C5orf34: variants seen among roughly 807,000 people sequenced by gnomAD.
C5orf34 encodes the protein chromosome 5 open reading frame 34.
Under a neutral mutation model 78.4 loss-of-function variants are expected in C5orf34, and 73 were observed. The ratio of observed to expected loss-of-function variants is 0.93; its 90% confidence interval spans 0.77 to 1.13. C5orf34 has a LOEUF of 1.13. Ranked by LOEUF, C5orf34 falls within the 50% of genes most tolerant of loss-of-function variation. The pLI, the probability that C5orf34 is intolerant of heterozygous loss-of-function variation, is 0.00. For missense variants in C5orf34, 730 were observed against 732.7 expected, an observed-to-expected ratio of 1.00 and a Z score of 0.04; for synonymous variants, 251 against 246.6, an observed-to-expected ratio of 1.02 and a Z score of -0.17.
chr5:43,497,749 C>T (rs1384085227), intron 6 of C5orf34, among the ~76,000 whole-genome samples: 1 of 152,226 alleles, frequency 6.6e-6, no homozygotes, highest in East Asian at 1.9e-4. Flanking sequence ...GTCCTTTTAT[C>T]TTGGTCTACA....
intron 6 of C5orf34, chr5:43,496,247 C>T (rs1745513212): frequency 6.3e-7 from 1 of 1,580,606 alleles, no homozygotes; most frequent in Non-Finnish European, 8.6e-7. Context: ...ATGGTGATAC[C>T]ACGTTCACGC....
intron 6 of C5orf34, chr5:43,496,592 T>G: frequency 3.2e-6 from 1 of 309,448 alleles, no homozygotes; most frequent in Non-Finnish European, 4.8e-6. Flanking sequence ...ATTTTTTTTT[T>G]TTTTTTTTTT....
intron 6 of C5orf34, chr5:43,496,256 G>A (rs1422739514): frequency 1.2e-5 from 19 of 1,581,792 alleles, no homozygotes; most frequent in African/African-American, 9.4e-5. Flanking sequence ...CCACGTTCAC[G>A]CTCAGCTTTC....
intron 3 of C5orf34, 98 bp downstream of exon 3, chr5:43,508,479 G>A (rs553020672): frequency 5.7e-5 from 40 of 697,162 alleles, no homozygotes; most frequent in South Asian, 5.3e-4. Context: ...TGTATCCCCA[G>A]GTGTCCTGAA....
chr5:43,491,342 A>G (rs992799195), intron 10 of C5orf34, among the ~76,000 whole-genome samples: 14 of 152,202 alleles, frequency 9.2e-5, no homozygotes, highest in African/African-American at 3.4e-4. Context: ...AACACAATAA[A>G]ACCCAACAGA....
At chr5:43,509,502 A>G in intron 1 of C5orf34, 127 bp from the exon 2 acceptor site, 1 of 550,250 alleles carries the variant, frequency 1.8e-6, no homozygotes, top group Middle Eastern at 4.8e-4. Flanking sequence ...TAAGAATACT[A>G]ACTACACTGG....
At chr5:43,487,246 G>A (rs1438336639) in intron 12 of C5orf34, 135 bp from the exon 13 acceptor site, 2 of 462,750 alleles carry the variant, frequency 4.3e-6, no homozygotes, top group Non-Finnish European at 3.8e-6. Flanking sequence ...AGTTGGAACT[G>A]CAAGGCTTAT....
At chr5:43,495,315 C>G in intron 6 of C5orf34, 1 of 1,611,376 alleles carries the variant, frequency 6.2e-7, no homozygotes, top group South Asian at 1.1e-5. Flanking sequence ...TTACCAGAAC[C>G]GCGATCAATC....
chr5:43,494,401 T>C, intron 7 of C5orf34, 109 bp downstream of exon 7: 1 of 595,884 alleles, frequency 1.7e-6, no homozygotes, highest in Non-Finnish European at 2.8e-6. Flanking sequence ...ACCGAAGGCA[T>C]ATATTTCCAT....
intron 6 of C5orf34, chr5:43,495,634 A>G (rs1745478523): frequency 1.2e-6 from 2 of 1,600,918 alleles, no homozygotes; most frequent in Non-Finnish European, 1.7e-6. Flanking sequence ...TGACCACCAC[A>G]CCAGGTTTGA....
chr5:43,514,968 G>C lies in C5orf34; in HGVS notation c.-199C>G, dbSNP rs1746425796. Reference sequence around the variant, plus strand: ...TTACCAGCGAGTGATATTTCTTGGTGAAAGAAAAAAATCACAACCCTAGAG... The same window carrying C: ...TTACCAGCGAGTGATATTTCTTGGTCAAAGAAAAAAATCACAACCCTAGAG... On this transcript the variant is annotated 5_prime_UTR_variant, in exon 1 of 13. Coordinates refer to ENST00000306862, the MANE Select transcript of C5orf34 (RefSeq NM_198566.4). The C allele has an allele frequency of 6.6e-6, 1 of 152,122 alleles. No homozygotes were observed. Among genetic ancestry groups the C allele is most frequent in the Non-Finnish European group, 1.5e-5 (1 of 68,022 alleles). 9.4% of individuals were successfully genotyped at this position (152,122 alleles called of 1,614,324 possible). A position where few individuals can be genotyped will look rare whatever the true frequency, so the allele number is the denominator to read the frequency against.
chr5:43,488,173 T>A (rs916631623), intron 11 of C5orf34: 2 of 520,100 alleles, frequency 3.8e-6, no homozygotes, highest in African/African-American at 3.8e-5. Flanking sequence ...CCCTTGTAAA[T>A]CCACTTCAAG....
chr5:43,487,760 T>G (rs1257331599), intron 12 of C5orf34, 149 bp downstream of exon 12: 1 of 630,930 alleles, frequency 1.6e-6, no homozygotes, highest in Non-Finnish European at 2.7e-6. Context: ...AGATCCATCT[T>G]AAATTACAAT....
chr5:43,492,955 T>C (rs1339655827), intron 8 of C5orf34, 65 bp from the exon 9 acceptor site: 3 of 1,195,434 alleles, frequency 2.5e-6, no homozygotes, highest in Non-Finnish European at 3.5e-6. Flanking sequence ...TAAATGAATA[T>C]TAATGACTCT....
intron 6 of C5orf34, among the ~76,000 whole-genome samples, chr5:43,502,170 G>A (rs1416771766): frequency 6.6e-6 from 1 of 152,166 alleles, no homozygotes; most frequent in South Asian, 2.1e-4. Flanking sequence ...TAGGCAAATG[G>A]AGATAGCAGG....
At chr5:43,505,002 C>A (rs1488873402) in intron 4 of C5orf34, among the ~76,000 whole-genome samples, 1 of 152,168 alleles carries the variant, frequency 6.6e-6, no homozygotes, top group Non-Finnish European at 1.5e-5. Flanking sequence ...TTTAACATTT[C>A]TATGTCGCAA....
intron 3 of C5orf34, among the ~76,000 whole-genome samples, chr5:43,507,971 G>T (rs1026332040): frequency 6.6e-6 from 1 of 151,840 alleles, no homozygotes; most frequent in Non-Finnish European, 1.5e-5. Flanking sequence ...CCAGCTACTC[G>T]GGAGGCTGAG....
chr5:43,514,204 T>A (rs1746387717), intron 1 of C5orf34: 1 of 152,262 alleles, frequency 6.6e-6, no homozygotes, highest in Non-Finnish European at 1.5e-5. Flanking sequence ...CCATAGACTC[T>A]CCAACTCCTG....
intron 7 of C5orf34, 119 bp from the exon 8 acceptor site, chr5:43,493,731 G>T: frequency 3.4e-6 from 2 of 588,382 alleles, no homozygotes; most frequent in Non-Finnish European, 6.0e-6. Context: ...ACTGAAATGT[G>T]TTGGGAACTC....
Sources: allele counts gnomAD v4.1 joint callset (sites outside exome capture counted in the v4.1 genomes callset), GRCh38; gene constraint gnomAD v4.1.1; transcripts MANE v1.5; gene names NCBI Gene and HGNC (gene_info 2026-07-23, HGNC 2026-07-21).